The following GALNT17 variants were observed in gnomAD, a reference collection of about 807,000 sequenced individuals.
The protein encoded by GALNT17 is UDP-GalNAc:polypeptide N-acetylgalactosaminyltransferase-like 3.
GALNT17 carries 29 observed loss-of-function variants against 63.7 expected under a neutral mutation model. The observed-to-expected ratio is 0.46, with a 90% confidence interval of 0.34 to 0.62. GALNT17 has a LOEUF of 0.62. Ranked by LOEUF, GALNT17 falls within the 20% of genes least tolerant of loss-of-function variation. The probability of loss-of-function intolerance (pLI) is 0.01; values close to 1 mark genes in which losing one functional copy is unlikely to be tolerated. For missense variants in GALNT17, 603 were observed against 799.6 expected, an observed-to-expected ratio of 0.75 and a Z score of 2.97; for synonymous variants, 305 against 318.3, an observed-to-expected ratio of 0.96 and a Z score of 0.45.
At position 71,393,198 on chromosome 7, in the gene GALNT17, C is replaced by G. The variant is rs535880477; in HGVS notation, c.589+4797C>G. On this transcript the variant is annotated intron_variant, in intron 3 of 10. Coordinates refer to ENST00000333538, the MANE Select transcript of GALNT17 (RefSeq NM_022479.3). Reference sequence around the variant, plus strand: ...ATGGTTGTTACCATTATGTAATGCTCTCTTTATCTTAGAAGCATACTCTGT... The same window carrying G: ...ATGGTTGTTACCATTATGTAATGCTGTCTTTATCTTAGAAGCATACTCTGT... Among the ~76,000 whole-genome samples the G allele has an allele frequency of 1.0e-3, 159 of 152,206 alleles. 1 individual carries two copies. Among genetic ancestry groups the G allele is most frequent in the Admixed American group, 0.01 (158 of 15,286 alleles).
In GALNT17 at chr7:71,132,939, C is replaced by G. The variant is rs1414213305; in HGVS notation, c.137C>G (p.Ala46Gly). 1 of 1,610,792 alleles carries G rather than the reference C, an allele frequency of 6.2e-7. No homozygotes were observed. Among genetic ancestry groups the G allele is most frequent in the Non-Finnish European group, 8.5e-7 (1 of 1,179,376 alleles). The change falls in exon 1 of 11, where the codon GCC becomes GGC. Residue 46 changes from alanine (A) to glycine (G), a missense_variant. Ala to Gly is a moderately conservative substitution (Grantham distance 60). This residue lies in a region of GALNT17 where 195 missense variants were observed against 215.0 expected (regional missense o/e 0.91). Transcript: ENST00000333538. ...GDAFHEIRPR[A>G]EVANLSAHSA... ...GCCTTCCACGAGATCCGGCCGCGCGCCGAGGTGGCCAACCTCAGCGCGCAC... is the reference window on the plus strand; with the variant it reads ...GCCTTCCACGAGATCCGGCCGCGCGGCGAGGTGGCCAACCTCAGCGCGCAC...
At chr7:71,249,738 C>A (rs1790162379) in intron 1 of GALNT17, among the ~76,000 whole-genome samples, 1 of 152,118 alleles carries the variant, frequency 6.6e-6, no homozygotes, top group Non-Finnish European at 1.5e-5. Flanking sequence ...AAAAGATACC[C>A]CCCAAAAGAG....
intron 2 of GALNT17, among the ~76,000 whole-genome samples, chr7:71,349,574 A>G (rs1270723145): frequency 6.6e-6 from 1 of 152,232 alleles, no homozygotes; most frequent in Non-Finnish European, 1.5e-5. Flanking sequence ...AAAGCAAAGG[A>G]AGACGTGACG....
chr7:71,527,978 T>TC (rs1354373507), intron 5 of GALNT17, among the ~76,000 whole-genome samples: 1 of 152,184 alleles, frequency 6.6e-6, no homozygotes, highest in Non-Finnish European at 1.5e-5. Context: ...TCCAGTTTTG[T>TC]CCAAGTTATC....
intron 1 of GALNT17, among the ~76,000 whole-genome samples, chr7:71,173,155 C>G (rs538916551): frequency 6.6e-6 from 1 of 152,280 alleles, no homozygotes; most frequent in South Asian, 2.1e-4. Flanking sequence ...CCAGGAGAAC[C>G]TGGAGGGGTG....
chr7:71,506,047 C>T (rs1229603017), intron 5 of GALNT17, among the ~76,000 whole-genome samples: 1 of 152,174 alleles, frequency 6.6e-6, no homozygotes, highest in Non-Finnish European at 1.5e-5. Flanking sequence ...ACACAAGTTT[C>T]TTTCCTTTGG....
intron 1 of GALNT17, among the ~76,000 whole-genome samples, chr7:71,256,889 A>T (rs554309430): frequency 3.9e-5 from 6 of 152,278 alleles, no homozygotes; most frequent in Admixed American, 1.3e-4. Context: ...GCCATCCCAG[A>T]TTCTGTGCTG....
At chr7:71,452,893 G>C (rs770450546) in intron 5 of GALNT17, among the ~76,000 whole-genome samples, 160 of 152,152 alleles carry the variant, frequency 1.1e-3, no homozygotes, top group Non-Finnish European at 5.3e-4. Context: ...GCTGAATCAT[G>C]GGTTGCTTTT....
intron 1 of GALNT17, among the ~76,000 whole-genome samples, chr7:71,137,142 T>TG (rs2116149067): frequency 6.9e-6 from 1 of 144,150 alleles, no homozygotes; most frequent in African/African-American, 2.5e-5. Flanking sequence ...TTTTTGACTT[T>TG]TTTTTTTTTT....
intron 4 of GALNT17, 92 bp downstream of exon 4, chr7:71,416,155 C>T: frequency 7.1e-7 from 1 of 1,405,982 alleles, no homozygotes; most frequent in Non-Finnish European, 9.6e-7. Flanking sequence ...TCACCTGTTA[C>T]CTGTAGTGGC....
At position 71,406,090 on chromosome 7, in the gene GALNT17, G is replaced by A. The variant is rs78611935; in HGVS notation, c.590-9799G>A. On this transcript the variant is annotated intron_variant, in intron 3 of 10. Coordinates refer to ENST00000333538, the MANE Select transcript of GALNT17 (RefSeq NM_022479.3). The stretch of plus-strand genomic sequence containing the variant: ...CCCATTCACTGGTTAAATTACCAAA[G>A]GAGATCTAATTTGGCTGACTAGTGT... Among the ~76,000 whole-genome samples, 44 of 152,334 alleles carry A rather than the reference G, an allele frequency of 2.9e-4. No individual in the cohort carries two copies. In the East Asian group the frequency reaches 8.3e-3, roughly 29 times the overall value.
At position 71,356,951 on chromosome 7, in the gene GALNT17, T is replaced by C. The variant is rs555021546; in HGVS notation, c.422+21218T>C. The stretch of plus-strand genomic sequence containing the variant: ...CACGCACCACCATGCCTGGCTAATT[T>C]TTGTATTTTTAGTAGAGACAGGGTT... On this transcript the variant is annotated intron_variant, in intron 2 of 10. Transcript: ENST00000333538. 7.3e-5 allele frequency among the ~76,000 whole-genome samples: 11 copies of C among 151,666 alleles called. No individual in the cohort carries two copies. The South Asian group carries it at 2.3e-3, about 32-fold the overall frequency.
chr7:71,365,182 C>T (rs550207160), intron 2 of GALNT17, among the ~76,000 whole-genome samples: 8 of 152,304 alleles, frequency 5.3e-5, no homozygotes, highest in African/African-American at 1.9e-4. Flanking sequence ...ATCTGCCTGC[C>T]TCAGCCTCCC....
intron 1 of GALNT17, among the ~76,000 whole-genome samples, chr7:71,237,993 T>C (rs190476942): frequency 1.2e-3 from 186 of 152,278 alleles, no homozygotes; most frequent in African/African-American, 4.3e-3. Context: ...GTGAAAAATA[T>C]CCACTTTATT....
intron 6 of GALNT17, among the ~76,000 whole-genome samples, chr7:71,614,691 A>T (rs1157054310): frequency 6.6e-6 from 1 of 151,660 alleles, no homozygotes; most frequent in African/African-American, 2.4e-5. Context: ...GAAGGAAGGG[A>T]GGGAGGGAAG....
At chr7:71,397,453 G>A (rs2116373873) in intron 3 of GALNT17, among the ~76,000 whole-genome samples, 1 of 152,246 alleles carries the variant, frequency 6.6e-6, no homozygotes, top group South Asian at 2.1e-4. Context: ...ATGATACAGT[G>A]AATGTCTTCC....
At chr7:71,456,561 C>T (rs778530840) in intron 5 of GALNT17, among the ~76,000 whole-genome samples, 6 of 151,610 alleles carry the variant, frequency 4.0e-5, no homozygotes, top group Non-Finnish European at 8.8e-5. Context: ...ACTAAAAATA[C>T]AAAACTTAGC....
intron 2 of GALNT17, among the ~76,000 whole-genome samples, chr7:71,383,182 C>T (rs1013604996): frequency 6.6e-6 from 1 of 152,132 alleles, no homozygotes; most frequent in African/African-American, 2.4e-5. Context: ...AATTTCCTTC[C>T]TTTTTAAAAC....
chr7:71,564,353 C>T (rs182540858), intron 5 of GALNT17, among the ~76,000 whole-genome samples: 4 of 129,126 alleles, frequency 3.1e-5, no homozygotes, highest in Non-Finnish European at 6.2e-5. Context: ...GTGGCATGAT[C>T]TCTGCTCACT....
Sources: allele counts gnomAD v4.1 joint callset (sites outside exome capture counted in the v4.1 genomes callset), GRCh38; gene constraint gnomAD v4.1.1; regional missense constraint gnomAD v4.1.1; transcripts MANE v1.5; gene names NCBI Gene and HGNC (gene_info 2026-07-23, HGNC 2026-07-21).